The following MTHFD1 variants were observed in gnomAD, a reference collection of about 807,000 sequenced individuals.
The protein encoded by MTHFD1 is C-1-tetrahydrofolate synthase, cytoplasmic.
MTHFD1 carries 44 observed loss-of-function variants against 110.3 expected under a neutral mutation model. That is an observed-to-expected ratio of 0.40 (90% confidence interval 0.31 to 0.51). MTHFD1 has a LOEUF of 0.51. MTHFD1 is among the 20% of genes least tolerant of loss of function. The pLI is 0.60. For synonymous variants in MTHFD1, 402 were observed against 428.8 expected (o/e 0.94, Z 0.77); for missense variants, 909 against 1,173.1 (o/e 0.77, Z 3.29).
intron 2 of MTHFD1, among the ~76,000 whole-genome samples, chr14:64,408,194 G>A (rs1438765939): frequency 3.3e-5 from 5 of 150,630 alleles, no homozygotes; most frequent in African/African-American, 1.2e-4. Context: ...CAGACTCCTG[G>A]TATAAAAAAA....
Position 64,419,942 on chromosome 14 carries a change from G to A in MTHFD1, c.727+17G>A. 7 of 1,551,554 alleles carry A rather than the reference G, an allele frequency of 4.5e-6. No homozygotes were observed. The highest frequency in any genetic ancestry group is 6.2e-6 in the Non-Finnish European group (7 of 1,123,312). ...ATGTCCCAGGTGAGTGTTGTTGGAG[G>A]AGTAAGGTGGCTGCTGGTATTGAGG... On this transcript the variant is annotated intron_variant, in intron 8 of 27. Coordinates refer to ENST00000652337, the MANE Select transcript of MTHFD1 (RefSeq NM_005956.4).
chr14:64,411,650 A>G (rs1208749737), intron 3 of MTHFD1, among the ~76,000 whole-genome samples: 1 of 152,230 alleles, frequency 6.6e-6, no homozygotes, highest in Non-Finnish European at 1.5e-5. Context: ...CAGTAATCCC[A>G]GCACTTTGGG....
Position 64,440,207 on chromosome 14 carries a change from C to T in MTHFD1, c.1756C>T (p.Leu586=). ...TTSLEDMRER[L]GKMVVASSKK... ...TTCTCTAGAAGACATGAGAGAGAGA[C>T]TGGGCAAAATGGTGGTGGCATCCAG... The change falls in exon 18 of 28, where the codon CTG becomes TTG. Residue 586 remains leucine, a synonymous_variant. Transcript: ENST00000652337. 1 of 1,614,096 alleles carries T rather than the reference C, an allele frequency of 6.2e-7. No homozygotes were observed. The highest frequency in any genetic ancestry group is 8.5e-7 in the Non-Finnish European group (1 of 1,180,032).
chr14:64,445,783 G>T (rs2078285487), intron 22 of MTHFD1, among the ~76,000 whole-genome samples: 2 of 152,158 alleles, frequency 1.3e-5, no homozygotes, highest in African/African-American at 4.8e-5. Flanking sequence ...GCCCCTAGCT[G>T]GCCCAGCTGG....
At chr14:64,430,277 C>T (rs1566566732) in intron 13 of MTHFD1, 47 bp downstream of exon 13, 12 of 1,553,978 alleles carry the variant, frequency 7.7e-6, no homozygotes, top group East Asian at 2.2e-5. Flanking sequence ...CTTTTTTTGT[C>T]GGGGGGGAGG....
intron 16 of MTHFD1, 133 bp from the exon 17 acceptor site, chr14:64,438,963 A>G: frequency 2.7e-6 from 2 of 729,818 alleles, no homozygotes; most frequent in Admixed American, 4.0e-5. Context: ...CACATATTCT[A>G]GCTTTGCCAT....
chr14:64,447,849 A>G (rs903304938), intron 22 of MTHFD1, among the ~76,000 whole-genome samples: 3 of 152,230 alleles, frequency 2.0e-5, no homozygotes, highest in African/African-American at 7.2e-5. Flanking sequence ...CTATGAATAC[A>G]TAAAATCTAT....
chr14:64,432,227 T>A (rs1342673199), intron 15 of MTHFD1, among the ~76,000 whole-genome samples: 1 of 152,238 alleles, frequency 6.6e-6, no homozygotes, highest in Non-Finnish European at 1.5e-5. Flanking sequence ...TTTCTCCGCT[T>A]ACTTGTCTGT....
intron 15 of MTHFD1, among the ~76,000 whole-genome samples, chr14:64,434,380 G>A (rs1055250864): frequency 2.6e-5 from 4 of 151,904 alleles, no homozygotes; most frequent in African/African-American, 9.7e-5. Context: ...GCAAAACCTC[G>A]TCTCTACAAA....
Position 64,415,518 on chromosome 14 carries a change from G to A in MTHFD1, c.377+24G>A, listed in dbSNP as rs746309982. 3.1e-6 allele frequency: 5 copies of A among 1,613,992 alleles called. No homozygotes were observed. The South Asian group carries it at 5.5e-5, about 18-fold the overall frequency. The stretch of plus-strand genomic sequence containing the variant: ...GGGTAAGTGTGGCTTGGCTTCCTAT[G>A]TCTCATTGCATGCTTTCATTTATAA... On this transcript the variant is annotated intron_variant, in intron 5 of 27. Transcript: ENST00000652337.
chr14:64,444,107 G>C (rs2078270171), intron 21 of MTHFD1, among the ~76,000 whole-genome samples: 1 of 152,046 alleles, frequency 6.6e-6, no homozygotes, highest in Non-Finnish European at 1.5e-5. Flanking sequence ...GATCAAGACT[G>C]GGGGCTGGGG....
intron 7 of MTHFD1, among the ~76,000 whole-genome samples, 182 bp from the exon 8 acceptor site, chr14:64,419,632 G>C (rs1479379610): frequency 6.6e-6 from 1 of 152,234 alleles, no homozygotes; most frequent in Middle Eastern, 3.2e-3. Context: ...AGCACGGCAT[G>C]TGAAGGGCTG....
At chr14:64,394,655 G>C (rs2077833022) in intron 1 of MTHFD1, among the ~76,000 whole-genome samples, 1 of 151,890 alleles carries the variant, frequency 6.6e-6, no homozygotes, top group South Asian at 2.1e-4. Flanking sequence ...GAAAGGTTTT[G>C]CCAGAGCCTG....
intron 17 of MTHFD1, 33 bp from the exon 18 acceptor site, chr14:64,440,093 G>C: frequency 1.2e-6 from 2 of 1,603,824 alleles, no homozygotes; most frequent in South Asian, 2.2e-5. Context: ...TTAACACAAA[G>C]TTTTTGCTAG....
At chr14:64,408,497 C>T (rs1381875350) in intron 2 of MTHFD1, among the ~76,000 whole-genome samples, 1 of 152,162 alleles carries the variant, frequency 6.6e-6, no homozygotes, top group Non-Finnish European at 1.5e-5. Context: ...CCATCTTGGC[C>T]AGGCTAGTCT....
At chr14:64,410,689 C>T (rs149744470) in intron 2 of MTHFD1, among the ~76,000 whole-genome samples, 5 of 152,226 alleles carry the variant, frequency 3.3e-5, no homozygotes, top group East Asian at 1.9e-4. Context: ...TGGAATGTGC[C>T]CTCTGGGTGC....
chr14:64,421,662 T>A (rs1387655137), intron 8 of MTHFD1, among the ~76,000 whole-genome samples: 1 of 151,868 alleles, frequency 6.6e-6, no homozygotes, highest in Admixed American at 6.6e-5. Flanking sequence ...CTCGCTCTGT[T>A]GCCCAGGCTG....
In MTHFD1 at chr14:64,433,714, A is replaced by ATT. The variant is rs1170650639; in HGVS notation, c.1495-1834_1495-1833dup. ...ACTTGCATGAACCACTGAGCTCAGC[A>ATT]TTTTTTTTTTTTTTTTTTTTTTAAG... is the stretch of plus-strand genomic sequence containing the variant. On this transcript the variant is annotated intron_variant, in intron 15 of 27. Transcript: ENST00000652337. Among the ~76,000 whole-genome samples the ATT allele has an allele frequency of 5.6e-4, 72 of 129,020 alleles. 1 individual carries two copies. The highest frequency in any genetic ancestry group is 5.5e-3 in the East Asian group (24 of 4,380). 84.6% of individuals were successfully genotyped at this position (129,020 alleles called of 152,430 possible).
At chr14:64,421,839 A>C (rs1038172438) in intron 8 of MTHFD1, among the ~76,000 whole-genome samples, 9 of 151,880 alleles carry the variant, frequency 5.9e-5, no homozygotes, top group Non-Finnish European at 1.0e-4. Context: ...GTTAGCCAGG[A>C]TGGTCTCGAT....
Sources: gnomAD v4.1 joint callset for allele counts (sites outside exome capture counted in the v4.1 genomes callset) on GRCh38, gnomAD v4.1.1 for gene constraint, MANE v1.5 for transcripts, NCBI Gene and HGNC (gene_info 2026-07-23, HGNC 2026-07-21) for gene names.